Variants in TAGAP observed in about 807,000 individuals in gnomAD.
The protein encoded by TAGAP is T-cell activation Rho GTPase-activating protein.
In TAGAP, 16 loss-of-function variants were observed where a neutral mutation model predicts 36.0. That is an observed-to-expected ratio of 0.44 (90% CI 0.30 to 0.68). The LOEUF (loss-of-function observed/expected upper bound fraction) is 0.68, where lower values mean the gene tolerates loss of function less well. TAGAP is among the 30% of genes least tolerant of loss of function. The pLI, the probability that TAGAP is intolerant of heterozygous loss-of-function variation, is 0.09. For synonymous variants in TAGAP, 372 were observed against 377.4 expected (o/e 0.99, Z 0.17); for missense variants, 794 against 921.5 (o/e 0.86, Z 1.79).
At position 159,036,935 on chromosome 6, in the gene TAGAP, G is replaced by A. The variant is rs1489430929; in HGVS notation, c.1088C>T (p.Ala363Val). Residue 363 changes from alanine to valine, a missense_variant, in exon 10 of 10, where the codon GCC becomes GTC. By Grantham distance (64) the Ala-to-Val change is moderately conservative. Coordinates refer to ENST00000367066, the MANE Select transcript of TAGAP (RefSeq NM_054114.5). The surrounding 1 kb of genome is among the most constrained non-coding windows in gnomAD (Gnocchi z 4.9). ...VSPEPIVSTV[A>V]RLKSSLAQPD... is the part of the protein sequence containing the mutation. ...CTGTGCGAGGGAGCTTTTCAGCCTG[G>A]CCACGGTGCTCACAATGGGCTCTGG... The A allele has an allele frequency of 1.9e-6, 3 of 1,613,542 alleles. No homozygotes were observed. The highest frequency in any genetic ancestry group is 1.3e-5 in the African/African-American group (1 of 74,896).
chr6:159,039,564 T>C (rs1779673903), intron 7 of TAGAP, among the ~76,000 whole-genome samples: 1 of 152,234 alleles, frequency 6.6e-6, no homozygotes, highest in South Asian at 2.1e-4. Flanking sequence ...CTTTATTATT[T>C]ATACAGAGCT....
In TAGAP at chr6:159,041,402, C is replaced by T. The variant is rs373228267; in HGVS notation, c.429G>A (p.Ala143=). The T allele has an allele frequency of 1.1e-5, 17 of 1,613,986 alleles. 1 individual carries two copies. The East Asian group carries it at 1.1e-4, about 11-fold the overall frequency. The change falls in exon 6 of 10, where the codon GCG becomes GCA. Residue 143 remains alanine, a synonymous_variant. Coordinates refer to ENST00000367066, the MANE Select transcript of TAGAP (RefSeq NM_054114.5). The surrounding 1 kb of genome is among the most constrained non-coding windows in gnomAD (Gnocchi z 4.1). ...ELKEELNSGD[A]VDLERLPVHL... ...GCACGGGGAGCCTCTCCAGATCCAC[C>T]GCATCCCCAGAGTTGAGCTCCTCCT...
intron 3 of TAGAP, 44 bp downstream of exon 3, chr6:159,043,934 C>T (rs1368524219): frequency 1.3e-6 from 2 of 1,552,270 alleles, no homozygotes; most frequent in African/African-American, 1.4e-5. Flanking sequence ...AGTTTTCCAC[C>T]TTCTCACAGT....
At chr6:159,044,344 A>G in intron 1 of TAGAP, 140 bp from the exon 2 acceptor site, 1 of 551,206 alleles carries the variant, frequency 1.8e-6, no homozygotes, top group Non-Finnish European at 3.1e-6. Flanking sequence ...TTTACTTTGG[A>G]AAAAACTATT....
At position 159,034,674 on chromosome 6, in the gene TAGAP, C is replaced by T. The variant is rs1437599861; in HGVS notation, c.*1153G>A. On this transcript the variant is annotated 3_prime_UTR_variant, in exon 10 of 10. Coordinates refer to ENST00000367066, the MANE Select transcript of TAGAP (RefSeq NM_054114.5). ...AAGAATGAGGTGAGATGTAAAATTA[C>T]TGGAAAGTTTAATTCACTAGAAATG... 1 of 152,070 alleles carries T rather than the reference C, an allele frequency of 6.6e-6. No homozygotes were observed. Among genetic ancestry groups the T allele is most frequent in the Non-Finnish European group, 1.5e-5 (1 of 68,024 alleles). 9.4% of individuals were successfully genotyped at this position (152,070 alleles called of 1,614,324 possible). A position where few individuals can be genotyped will look rare whatever the true frequency, so the allele number is the denominator to read the frequency against.
rs562628501 is a variant in TAGAP, at chr6:159,038,950, A to G, written c.783+164T>C. On this transcript the variant is annotated intron_variant, in intron 8 of 9. Transcript: ENST00000367066. The stretch of plus-strand genomic sequence containing the variant: ...GGATTTATTCAGTTTCATTAGATAC[A>G]TGTATCTGAGAGAGTGGAACTATGA... 6.2e-6 allele frequency: 9 copies of G among 1,462,528 alleles called. No individual in the cohort carries two copies. The South Asian group carries it at 8.3e-5, about 14-fold the overall frequency. 90.6% of individuals were successfully genotyped at this position (1,462,528 alleles called of 1,614,324 possible). A position where few individuals can be genotyped will look rare whatever the true frequency, so the allele number is the denominator to read the frequency against.
In TAGAP at chr6:159,037,131, G is replaced by C; in HGVS notation, c.899-7C>G. The C allele has an allele frequency of 6.3e-7, 1 of 1,589,410 alleles. No homozygotes were observed. The highest frequency in any genetic ancestry group is 8.5e-7 in the Non-Finnish European group (1 of 1,173,776). On this transcript the variant is annotated splice_region_variant and splice_polypyrimidine_tract_variant and intron_variant, in intron 9 of 9. Transcript: ENST00000367066. The surrounding 1 kb of genome is among the most constrained non-coding windows in gnomAD (Gnocchi z 5.1). ...TTCTGCAGGGTCGACACATCTGGGG[G>C]AAGTCAAGCAGCAGTTGAACATTTG...
rs1035134767 is a variant in TAGAP at position 159,038,317 on chromosome 6, G to A, written c.784-89C>T. ...GGTGAGGAAGAATGGGGACACTGGA[G>A]TCAGGTGCCAAAATGAGAATCTGAG... On this transcript the variant is annotated intron_variant, in intron 8 of 9. Coordinates refer to ENST00000367066, the MANE Select transcript of TAGAP (RefSeq NM_054114.5). 13 of 664,504 alleles carry A rather than the reference G, an allele frequency of 2.0e-5. No individual in the cohort carries two copies. In the South Asian group the frequency reaches 2.2e-4, roughly 11 times the overall value. 41.2% of individuals were successfully genotyped at this position (664,504 alleles called of 1,614,324 possible).
rs1779589159 is a variant in TAGAP, at chr6:159,037,478, C to T, written c.899-354G>A. 6.6e-6 allele frequency among the ~76,000 whole-genome samples: 1 copy of T among 152,200 alleles called. No individual in the cohort carries two copies. The highest frequency in any genetic ancestry group is 2.4e-5 in the African/African-American group (1 of 41,440). On this transcript the variant is annotated intron_variant, in intron 9 of 9. Coordinates refer to ENST00000367066, the MANE Select transcript of TAGAP (RefSeq NM_054114.5). This position sits in a 1 kb window ranked among gnomAD's most constrained non-coding sequence, Gnocchi z 5.1. Reference sequence around the variant, plus strand: ...TGCTGGGATTATAGGCGTGAGCCACCACACACGGCCATTTAGGTTCTTTTA... The same window carrying T: ...TGCTGGGATTATAGGCGTGAGCCACTACACACGGCCATTTAGGTTCTTTTA...
Position 159,038,228 on chromosome 6 carries a change from C to G in TAGAP, c.784G>C (p.Val262Leu). 5.2e-6 allele frequency: 8 copies of G among 1,533,378 alleles called. No homozygotes were observed. The highest frequency in any genetic ancestry group is 7.2e-6 in the Non-Finnish European group (8 of 1,112,490). The allele number at this position is 1,533,378 out of a possible 1,614,324, so 95.0% of individuals were successfully genotyped here. The change falls in exon 9 of 10, where the codon GTG becomes CTG. Residue 262 changes from valine to leucine, a missense_variant and splice_region_variant. By Grantham distance (32) the Val-to-Leu change is conservative (BLOSUM62 1). Coordinates refer to ENST00000367066, the MANE Select transcript of TAGAP (RefSeq NM_054114.5). ...FEAQKDLNNK[V>L]KTLVEFLIDN... Reference sequence around the variant, plus strand: ...ATGAGGAATTCCACCAGTGTCTTCACCTGTGAGGAAAAGTAAGCAATTTGT... The same window carrying G: ...ATGAGGAATTCCACCAGTGTCTTCAGCTGTGAGGAAAAGTAAGCAATTTGT...
Position 159,038,153 on chromosome 6 carries a change from T to C in TAGAP, c.859A>G (p.Ile287Val), listed in dbSNP as rs1436636245. 1 of 1,613,438 alleles carries C rather than the reference T, an allele frequency of 6.2e-7. No homozygotes were observed. Among genetic ancestry groups the C allele is most frequent in the Non-Finnish European group, 8.5e-7 (1 of 1,179,594 alleles). Residue 287 changes from isoleucine (I) to valine (V), a missense_variant, in exon 9 of 10, where the codon ATC becomes GTC. By Grantham distance (29) the Ile-to-Val change is conservative. Coordinates refer to ENST00000367066, the MANE Select transcript of TAGAP (RefSeq NM_054114.5). ...FGENIPVHSS[I>V]TSDDSLEHTD... ...TGCTCCAGGGAGTCATCAGAAGTGA[T>C]ACTGGAATGCACTGGAATGTTCTCC...
chr6:159,038,393 C>CT (rs34454153), intron 8 of TAGAP, among the ~76,000 whole-genome samples, 165 bp from the exon 9 acceptor site: 272 of 137,264 alleles, frequency 2.0e-3, no homozygotes, highest in African/African-American at 3.3e-3. Context: ...CAATCAGATA[C>CT]TTTTTTTTTT....
chr6:159,037,104 C>T lies in TAGAP; in HGVS notation c.919G>A (p.Asp307Asn). 6.2e-7 allele frequency: 1 copy of T among 1,611,008 alleles called. No individual in the cohort carries two copies. The highest frequency in any genetic ancestry group is 8.5e-7 in the Non-Finnish European group (1 of 1,179,946). The change falls in exon 10 of 10, where the codon GAC becomes AAC. Residue 307 changes from aspartate (D) to asparagine (N), a missense_variant. Asp to Asn is a conservative substitution (Grantham distance 23, BLOSUM62 1). Transcript: ENST00000367066. This position sits in a 1 kb window ranked among gnomAD's most constrained non-coding sequence, Gnocchi z 5.1. ...GGGTCGTTGCTGTCGTAGGCTGAGTCATTCTGCAGGGTCGACACATCTGGG... is the reference window on the plus strand; with the variant it reads ...GGGTCGTTGCTGTCGTAGGCTGAGTTATTCTGCAGGGTCGACACATCTGGG... ...DSSDVSTLQN[D>N]SAYDSNDPDV...
chr6:159,041,363 C>T lies in TAGAP; in HGVS notation c.468G>A (p.Val156=), dbSNP rs371195389. ...LERLPVHLLA[V]VFKDFLRSIP... ...AGTGTGTTGAACTCACCTTAAAGAC[C>T]ACAGCGAGGAGGTGCACGGGGAGCC... Residue 156 remains valine, a synonymous_variant, in exon 6 of 10, where the codon GTG becomes GTA. Transcript: ENST00000367066. The surrounding 1 kb of genome is among the most constrained non-coding windows in gnomAD (Gnocchi z 4.1). 6 of 1,613,448 alleles carry T rather than the reference C, an allele frequency of 3.7e-6. No homozygotes were observed. Among genetic ancestry groups the T allele is most frequent in the African/African-American group, 1.3e-5 (1 of 74,838 alleles).
Position 159,036,772 on chromosome 6 carries a change from C to T in TAGAP, c.1251G>A (p.Glu417=). The stretch of plus-strand genomic sequence containing the variant: ...CCTCCTCTGGAAATGGGTCTTCAGC[C>T]TCCTCACTTTCCAAACGAGAGCCTA... The part of the protein sequence containing the change: ...PRVGSRLESE[E]AEDPFPEEVF... The change falls in exon 10 of 10, where the codon GAG becomes GAA. Residue 417 remains glutamate, a synonymous_variant. Coordinates refer to ENST00000367066, the MANE Select transcript of TAGAP (RefSeq NM_054114.5). This position sits in a 1 kb window ranked among gnomAD's most constrained non-coding sequence, Gnocchi z 4.9. 9 of 1,614,194 alleles carry T rather than the reference C, an allele frequency of 5.6e-6. No individual in the cohort carries two copies. The highest frequency in any genetic ancestry group is 4.4e-5 in the South Asian group (4 of 91,084).
chr6:159,035,653 CAG>C lies in TAGAP; in HGVS notation c.*172_*173del, dbSNP rs1779500446. On this transcript the variant is annotated 3_prime_UTR_variant, in exon 10 of 10. Coordinates refer to ENST00000367066, the MANE Select transcript of TAGAP (RefSeq NM_054114.5). ...TACATATTGCACAAATCCAGGTACA[CAG>C]AGACTATCTGATGCGCCATGGCCAT... The C allele has an allele frequency of 1.7e-6, 1 of 603,160 alleles. No homozygotes were observed. Among genetic ancestry groups the C allele is most frequent in the Admixed American group, 3.0e-5 (1 of 32,804 alleles). 37.4% of individuals were successfully genotyped at this position (603,160 alleles called of 1,614,324 possible).
rs1056496383 is a variant in TAGAP, at chr6:159,034,912, G to T, written c.*915C>A. 1 of 152,322 alleles carries T rather than the reference G, an allele frequency of 6.6e-6. No individual in the cohort carries two copies. The highest frequency in any genetic ancestry group is 6.5e-5 in the Admixed American group (1 of 15,282). 9.4% of individuals were successfully genotyped at this position (152,322 alleles called of 1,614,324 possible). A position where few individuals can be genotyped will look rare whatever the true frequency, so the allele number is the denominator to read the frequency against. On this transcript the variant is annotated 3_prime_UTR_variant, in exon 10 of 10. Coordinates refer to ENST00000367066, the MANE Select transcript of TAGAP (RefSeq NM_054114.5). ...TATATTTAATAAATGCTTGTTGAGT[G>T]AACCAATATGTGAATGATTTTCTTA...
Position 159,036,112 on chromosome 6 carries a change from A to G in TAGAP, c.1911T>C (p.Leu637=). ...MLEAHCLLPP[L]PPAHHVEDSR... ...AGTCCTCTACGTGGTGAGCAGGTGG[A>G]AGAGGGGGTAGGAGGCAGTGCGCCT... Residue 637 remains leucine, a synonymous_variant, in exon 10 of 10, where the codon CTT becomes CTC. Coordinates refer to ENST00000367066, the MANE Select transcript of TAGAP (RefSeq NM_054114.5). The surrounding 1 kb of genome is among the most constrained non-coding windows in gnomAD (Gnocchi z 4.9). The G allele has an allele frequency of 6.2e-7, 1 of 1,612,986 alleles. No individual in the cohort carries two copies. The highest frequency in any genetic ancestry group is 8.5e-7 in the Non-Finnish European group (1 of 1,179,614).
chr6:159,038,191 A>AAGC lies in TAGAP; in HGVS notation c.818_820dup (p.Cys273dup). The AAGC allele has an allele frequency of 6.2e-7, 1 of 1,613,462 alleles. No homozygotes were observed. The highest frequency in any genetic ancestry group is 8.5e-7 in the Non-Finnish European group (1 of 1,179,600). ...TGGAATGTTCTCCCCAAATATTTCA[A>AAGC]AGCAGTTATCAATGAGGAATTCCAC... On this transcript the variant is annotated inframe_insertion, in exon 9 of 10. Transcript: ENST00000367066.
Sources: gnomAD v4.1 joint callset for allele counts (sites outside exome capture counted in the v4.1 genomes callset) on GRCh38, gnomAD v4.1.1 for gene constraint, Gnocchi (gnomAD v3.1) non-coding constraint, MANE v1.5 for transcripts, NCBI Gene and HGNC (gene_info 2026-07-23, HGNC 2026-07-21) for gene names.